Variants in ITGB6 observed in about 807,000 individuals in gnomAD.
ITGB6 encodes integrin beta-6.
Under a neutral mutation model 84.5 loss-of-function variants are expected in ITGB6, and 80 were observed. The observed-to-expected ratio is 0.95, with a 90% confidence interval of 0.79 to 1.14. The LOEUF (loss-of-function observed/expected upper bound fraction) is 1.14. ITGB6 is among the 50% of genes most tolerant of loss of function. The pLI, the probability that ITGB6 is intolerant of heterozygous loss-of-function variation, is 0.00. For missense variants in ITGB6, 1,006 were observed against 968.0 expected (o/e 1.04, Z -0.52); for synonymous variants, 383 against 354.9 (o/e 1.08, Z -0.89).
intron 10 of ITGB6, among the ~76,000 whole-genome samples, chr2:160,132,699 T>C (rs1683520737): frequency 6.6e-6 from 1 of 152,140 alleles, no homozygotes; most frequent in Admixed American, 6.6e-5. Flanking sequence ...TATAATTCTT[T>C]TCTGAATAGA....
At chr2:160,133,623 C>A (rs1035103404) in intron 10 of ITGB6, among the ~76,000 whole-genome samples, 1 of 146,810 alleles carries the variant, frequency 6.8e-6, no homozygotes, top group South Asian at 2.1e-4. Flanking sequence ...CACCACACCA[C>A]ACCTATTCCA....
chr2:160,146,201 T>G (rs780799875), intron 7 of ITGB6, among the ~76,000 whole-genome samples: 3 of 152,220 alleles, frequency 2.0e-5, no homozygotes, highest in Non-Finnish European at 4.4e-5. Context: ...TTGCTTTTAT[T>G]ATTATTTTAA....
intron 7 of ITGB6, among the ~76,000 whole-genome samples, chr2:160,149,320 G>A (rs1402470742): frequency 6.6e-6 from 1 of 152,192 alleles, no homozygotes; most frequent in African/African-American, 2.4e-5. Flanking sequence ...ACAGGGTCTG[G>A]AGTGGAACTC....
intron 2 of ITGB6, among the ~76,000 whole-genome samples, chr2:160,196,949 A>G (rs144539464): frequency 6.6e-6 from 1 of 152,198 alleles, no homozygotes; most frequent in East Asian, 1.9e-4. Flanking sequence ...CCTAAAGGGT[A>G]GGGATTGCAA....
intron 11 of ITGB6, among the ~76,000 whole-genome samples, chr2:160,124,914 A>G (rs935629560): frequency 6.6e-6 from 1 of 152,138 alleles, no homozygotes; most frequent in Non-Finnish European, 1.5e-5. Context: ...AATACATTGC[A>G]TTTTTCTAGA....
chr2:160,190,015 T>A (rs1450180711), intron 4 of ITGB6, among the ~76,000 whole-genome samples: 4 of 152,156 alleles, frequency 2.6e-5, no homozygotes, highest in Admixed American at 6.5e-5. Flanking sequence ...CATGGAATAC[T>A]ATGCAGCCAT....
chr2:160,108,645 C>A (rs1024727208), intron 13 of ITGB6, among the ~76,000 whole-genome samples: 3 of 152,176 alleles, frequency 2.0e-5, no homozygotes, highest in African/African-American at 7.2e-5. Context: ...GGACCCCTTC[C>A]CCAATATTCT....
chr2:160,119,972 A>C (rs1440201431), intron 12 of ITGB6, among the ~76,000 whole-genome samples: 1 of 152,080 alleles, frequency 6.6e-6, no homozygotes, highest in Admixed American at 6.5e-5. Flanking sequence ...ATGAGATACC[A>C]TCTCACACCA....
At chr2:160,148,022 A>T (rs1200149076) in intron 7 of ITGB6, among the ~76,000 whole-genome samples, 1 of 152,248 alleles carries the variant, frequency 6.6e-6, no homozygotes, top group Non-Finnish European at 1.5e-5. Flanking sequence ...CAAAAGAACA[A>T]GAAAACAAGT....
At chr2:160,128,448 G>A (rs1028785794) in intron 10 of ITGB6, among the ~76,000 whole-genome samples, 1 of 152,192 alleles carries the variant, frequency 6.6e-6, no homozygotes, top group African/African-American at 2.4e-5. Context: ...AGCCTTATTG[G>A]CTGAAGGAAG....
chr2:160,198,420 C>T (rs192372227), intron 2 of ITGB6, among the ~76,000 whole-genome samples: 88 of 152,232 alleles, frequency 5.8e-4, no homozygotes, highest in South Asian at 2.5e-3. Flanking sequence ...ACTTGGTATT[C>T]GTATGATTTG....
At chr2:160,140,385 G>C (rs1027466282) in intron 8 of ITGB6, among the ~76,000 whole-genome samples, 1 of 152,192 alleles carries the variant, frequency 6.6e-6, no homozygotes, top group Non-Finnish European at 1.5e-5. Context: ...CTTAAAGTGA[G>C]CCATAACCTC....
intron 4 of ITGB6, among the ~76,000 whole-genome samples, chr2:160,185,104 A>G (rs1298042770): frequency 6.6e-6 from 1 of 152,228 alleles, no homozygotes; most frequent in Non-Finnish European, 1.5e-5. Flanking sequence ...ACTCCTATTC[A>G]ACATGGTATT....
intron 4 of ITGB6, among the ~76,000 whole-genome samples, chr2:160,175,990 G>T (rs775015394): frequency 7.9e-5 from 12 of 152,104 alleles, no homozygotes; most frequent in Non-Finnish European, 1.5e-4. Context: ...ACTGAGTAAG[G>T]ATGCTCTCAC....
chr2:160,200,182 T>C lies in ITGB6; in HGVS notation c.-119A>G. ...TGAAGTATAACATTTTAAATACTAC[T>C]TACACTGCTTTGAAAAGAAACTTGA... is the stretch of plus-strand genomic sequence containing the variant. On this transcript the variant is annotated 5_prime_UTR_variant, in exon 1 of 15. Transcript: ENST00000283249. 1.4e-6 allele frequency: 1 copy of C among 729,222 alleles called. No individual in the cohort carries two copies. The highest frequency in any genetic ancestry group is 2.3e-6 in the Non-Finnish European group (1 of 438,696). The allele number at this position is 729,222 out of a possible 1,614,324, so 45.2% of individuals were successfully genotyped here. A position where few individuals can be genotyped will look rare whatever the true frequency, so the allele number is the denominator to read the frequency against.
In ITGB6 at chr2:160,195,632, G is replaced by T; in HGVS notation, c.347-17C>A. On this transcript the variant is annotated splice_polypyrimidine_tract_variant and intron_variant, in intron 3 of 14. Coordinates refer to ENST00000283249, the MANE Select transcript of ITGB6 (RefSeq NM_000888.5). ...GCGCACCACCTGCAAAGCCCAACAGGAAAAGCAAACCCAGGAAAACACACT... is the reference window on the plus strand; with the variant it reads ...GCGCACCACCTGCAAAGCCCAACAGTAAAAGCAAACCCAGGAAAACACACT... The T allele has an allele frequency of 1.9e-6, 3 of 1,612,750 alleles. No homozygotes were observed. Among genetic ancestry groups the T allele is most frequent in the South Asian group, 1.1e-5 (1 of 90,992 alleles).
rs771235788 is a variant in ITGB6 at position 160,123,868 on chromosome 2, A to G, written c.1904T>C (p.Leu635Pro). The change falls in exon 12 of 15, where the codon CTG becomes CCG. Residue 635 changes from leucine (L) to proline (P), a missense_variant. By Grantham distance (98) the Leu-to-Pro change is moderately conservative. Transcript: ENST00000283249. ...NSKRSCIECH[L>P]SAAGQAREEC... is the part of the protein sequence containing the mutation. ...TTCTCGGGCTTGGCCAGCTGCTGAC[A>G]GGTGGCACTCAATGCAGCTCCTGTG... is the stretch of plus-strand genomic sequence containing the variant. 1.2e-6 allele frequency: 2 copies of G among 1,613,918 alleles called. No individual in the cohort carries two copies. Among genetic ancestry groups the G allele is most frequent in the Admixed American group, 1.7e-5 (1 of 60,014 alleles).
In ITGB6 at chr2:160,101,625, CTAT is replaced by C. The variant is rs1696722331; in HGVS notation, c.*108_*110del. On this transcript the variant is annotated 3_prime_UTR_variant, in exon 15 of 15. Transcript: ENST00000283249. ...AGAGGATGACTTATCTGCAGATGTC[CTAT>C]TATTATCTTAAACCAACCTCATTTT... 7 of 696,280 alleles carry C rather than the reference CTAT, an allele frequency of 1.0e-5. No individual in the cohort carries two copies. The East Asian group carries it at 1.6e-4, about 16-fold the overall frequency. 43.1% of individuals were successfully genotyped at this position (696,280 alleles called of 1,614,324 possible).
intron 8 of ITGB6, among the ~76,000 whole-genome samples, chr2:160,139,602 T>C (rs1395489564): frequency 6.6e-6 from 1 of 152,200 alleles, no homozygotes; most frequent in Non-Finnish European, 1.5e-5. Flanking sequence ...GATGACATGA[T>C]CTGACCTAAA....
Sources: gnomAD v4.1 joint callset for allele counts (sites outside exome capture counted in the v4.1 genomes callset) on GRCh38, gnomAD v4.1.1 for gene constraint, MANE v1.5 for transcripts, NCBI Gene and HGNC (gene_info 2026-07-23, HGNC 2026-07-21) for gene names.